The following C8orf34 variants were observed in gnomAD, a reference collection of about 807,000 sequenced individuals.
C8orf34 encodes the protein uncharacterized protein C8orf34.
In C8orf34, 65 loss-of-function variants were observed where a neutral mutation model predicts 68.3. The ratio of observed to expected loss-of-function variants is 0.95; its 90% confidence interval spans 0.78 to 1.17. C8orf34 has a LOEUF of 1.17. Ranked by LOEUF, C8orf34 falls within the 50% of genes most tolerant of loss-of-function variation. The pLI, the probability that C8orf34 is intolerant of heterozygous loss-of-function variation, is 0.00. For missense variants in C8orf34, 664 were observed against 655.4 expected (o/e 1.01, Z -0.14); for synonymous variants, 244 against 241.2 (o/e 1.01, Z -0.11).
At chr8:68,332,518 C>T (rs1248386932) in intron 1 of C8orf34, among the ~76,000 whole-genome samples, 1 of 151,970 alleles carries the variant, frequency 6.6e-6, no homozygotes, top group African/African-American at 2.4e-5. Context: ...GAAGGGGCTG[C>T]ACTGGAGATC....
intron 8 of C8orf34, among the ~76,000 whole-genome samples, chr8:68,698,655 A>G (rs1409493046): frequency 6.6e-6 from 1 of 152,110 alleles, no homozygotes; most frequent in Non-Finnish European, 1.5e-5. Flanking sequence ...TTAGCTTCCC[A>G]CACAATCCCA....
chr8:68,446,758 A>T, intron 3 of C8orf34: 1 of 372,150 alleles, frequency 2.7e-6, no homozygotes, highest in Non-Finnish European at 4.7e-6. Context: ...GTAGCATTAC[A>T]TCATATTGAA....
At chr8:68,621,792 T>C (rs1184613793) in intron 7 of C8orf34, among the ~76,000 whole-genome samples, 1 of 152,234 alleles carries the variant, frequency 6.6e-6, no homozygotes, top group African/African-American at 2.4e-5. Flanking sequence ...CACTAAGAAT[T>C]TTCTTCTAAG....
intron 6 of C8orf34, among the ~76,000 whole-genome samples, chr8:68,529,362 C>T (rs569694859): frequency 1.3e-5 from 2 of 152,300 alleles, no homozygotes; most frequent in South Asian, 4.1e-4. Flanking sequence ...TCTTACTTGA[C>T]CAAACAGCAG....
Position 68,662,537 on chromosome 8 carries a change from C to T in C8orf34, c.1241+22026C>T, listed in dbSNP as rs377696421. Among the ~76,000 whole-genome samples the T allele has an allele frequency of 3.0e-4, 46 of 152,206 alleles. No individual in the cohort carries two copies. The South Asian group carries it at 9.1e-3, about 30-fold the overall frequency. ...GTCTCAGAAGATCTGATGGTTTTTC[C>T]CCTGCACAAGCTCTCTTGCCTGCTG... is the stretch of plus-strand genomic sequence containing the variant. On this transcript the variant is annotated intron_variant, in intron 8 of 13. Transcript: ENST00000518698.
intron 11 of C8orf34, among the ~76,000 whole-genome samples, chr8:68,786,682 A>G (rs1823855526): frequency 6.6e-6 from 1 of 152,228 alleles, no homozygotes; most frequent in African/African-American, 2.4e-5. Context: ...ATAGTATGAT[A>G]GAACATGTTA....
intron 7 of C8orf34, among the ~76,000 whole-genome samples, chr8:68,563,144 A>G (rs1467559160): frequency 1.3e-5 from 2 of 152,182 alleles, no homozygotes; most frequent in East Asian, 1.9e-4. Context: ...ACTTTCAGTA[A>G]TTAACAAAGT....
chr8:68,645,764 G>A (rs151050951), intron 8 of C8orf34, among the ~76,000 whole-genome samples: 2 of 152,220 alleles, frequency 1.3e-5, no homozygotes, highest in African/African-American at 4.8e-5. Flanking sequence ...CAACGACCTA[G>A]TTAATGTAAA....
chr8:68,483,799 C>A (rs1187557052), intron 4 of C8orf34, among the ~76,000 whole-genome samples: 3 of 152,168 alleles, frequency 2.0e-5, no homozygotes, highest in Non-Finnish European at 4.4e-5. Flanking sequence ...GAAAGTTTTA[C>A]CTGATTCATG....
chr8:68,615,572 G>A (rs1018651911), intron 7 of C8orf34, among the ~76,000 whole-genome samples: 1 of 152,164 alleles, frequency 6.6e-6, no homozygotes, highest in African/African-American at 2.4e-5. Flanking sequence ...CTTTGGTTCT[G>A]TTTATATGAT....
intron 12 of C8orf34, among the ~76,000 whole-genome samples, chr8:68,809,602 C>G (rs945846420): frequency 1.3e-5 from 2 of 151,946 alleles, no homozygotes; most frequent in Non-Finnish European, 1.5e-5. Flanking sequence ...GACTCCAAAA[C>G]AAAAAAGAAC....
chr8:68,538,811 T>C (rs1815589267), intron 7 of C8orf34, among the ~76,000 whole-genome samples: 1 of 152,184 alleles, frequency 6.6e-6, no homozygotes, highest in African/African-American at 2.4e-5. Context: ...TGGTTAAGGA[T>C]GTATAGAAAA....
chr8:68,351,112 A>G (rs1806494174), intron 1 of C8orf34, among the ~76,000 whole-genome samples: 1 of 151,918 alleles, frequency 6.6e-6, no homozygotes, highest in African/African-American at 2.4e-5. Flanking sequence ...TTTTCTTTCT[A>G]TATTAAGTGC....
intron 10 of C8orf34, among the ~76,000 whole-genome samples, chr8:68,732,624 C>T (rs576661910): frequency 1.3e-5 from 2 of 152,110 alleles, no homozygotes; most frequent in South Asian, 4.1e-4. Context: ...TTTTCTCTTT[C>T]CAATTTCTTC....
intron 8 of C8orf34, among the ~76,000 whole-genome samples, chr8:68,687,885 G>A (rs1820568039): frequency 6.6e-6 from 1 of 152,108 alleles, no homozygotes; most frequent in African/African-American, 2.4e-5. Flanking sequence ...CTAGTATCCA[G>A]AATCTACAAG....
intron 8 of C8orf34, among the ~76,000 whole-genome samples, chr8:68,682,522 A>G (rs1301850938): frequency 1.3e-5 from 2 of 151,864 alleles, no homozygotes; most frequent in African/African-American, 4.8e-5. Context: ...TAAAAGGGCA[A>G]CTTATACTTT....
At chr8:68,607,889 G>A (rs1425589436) in intron 7 of C8orf34, among the ~76,000 whole-genome samples, 1 of 152,088 alleles carries the variant, frequency 6.6e-6, no homozygotes, top group African/African-American at 2.4e-5. Flanking sequence ...TCAAAAGGAT[G>A]TGGTTGAGAT....
At chr8:68,383,956 A>G (rs927388298) in intron 1 of C8orf34, among the ~76,000 whole-genome samples, 3 of 152,220 alleles carry the variant, frequency 2.0e-5, no homozygotes, top group African/African-American at 7.2e-5. Flanking sequence ...GCCAAAAGAA[A>G]CATACAGGAT....
intron 12 of C8orf34, among the ~76,000 whole-genome samples, chr8:68,796,057 C>T (rs1316241156): frequency 6.6e-6 from 1 of 152,196 alleles, no homozygotes; most frequent in Non-Finnish European, 1.5e-5. Flanking sequence ...CCCTCTCTAA[C>T]AGTTGCTAGG....
Sources: allele counts gnomAD v4.1 joint callset (sites outside exome capture counted in the v4.1 genomes callset), GRCh38; gene constraint gnomAD v4.1.1; transcripts MANE v1.5; gene names NCBI Gene and HGNC (gene_info 2026-07-23, HGNC 2026-07-21).